The following TDRD3 variants were observed in gnomAD, a reference collection of about 807,000 sequenced individuals.
The protein encoded by TDRD3 is tudor domain-containing protein 3.
In TDRD3, 45 loss-of-function variants were observed where a neutral mutation model predicts 86.7. That is an observed-to-expected ratio of 0.52 (90% CI 0.41 to 0.67). The LOEUF (loss-of-function observed/expected upper bound fraction) is 0.67. TDRD3 is among the 30% of genes least tolerant of loss of function. The pLI is 0.00. For missense variants in TDRD3, 814 were observed against 889.0 expected (o/e 0.92, Z 1.07); for synonymous variants, 298 against 301.7 (o/e 0.99, Z 0.13).
intron 5 of TDRD3, among the ~76,000 whole-genome samples, chr13:60,471,369 G>T (rs1044783454): frequency 1.3e-5 from 2 of 152,006 alleles, no homozygotes; most frequent in African/African-American, 4.8e-5. Flanking sequence ...TTATTTCTAG[G>T]TTATCTGTTC....
chr13:60,470,594 T>G (rs1485793147), intron 5 of TDRD3, among the ~76,000 whole-genome samples: 10 of 149,328 alleles, frequency 6.7e-5, no homozygotes, highest in Admixed American at 6.0e-4. Context: ...AGTTGGGTTT[T>G]TTTTTTTTTT....
At chr13:60,531,663 C>G (rs1404657310) in intron 11 of TDRD3, among the ~76,000 whole-genome samples, 1 of 152,076 alleles carries the variant, frequency 6.6e-6, no homozygotes, top group Non-Finnish European at 1.5e-5. Context: ...ACAGGCAACC[C>G]TTACAGAGTC....
At chr13:60,429,109 A>C (rs965455497) in intron 1 of TDRD3, among the ~76,000 whole-genome samples, 4 of 152,188 alleles carry the variant, frequency 2.6e-5, no homozygotes, top group Admixed American at 2.0e-4. Flanking sequence ...ATCAGCTGAC[A>C]TATATATGGG....
intron 4 of TDRD3, among the ~76,000 whole-genome samples, chr13:60,461,298 G>A (rs1439723747): frequency 6.6e-6 from 1 of 152,052 alleles, no homozygotes; most frequent in Non-Finnish European, 1.5e-5. Context: ...ATTGACTTTA[G>A]TCATTTCCTA....
At chr13:60,429,851 A>G (rs1194120719) in intron 1 of TDRD3, among the ~76,000 whole-genome samples, 2 of 111,952 alleles carry the variant, frequency 1.8e-5, no homozygotes, top group African/African-American at 6.7e-5. Flanking sequence ...TCTCTTTCTC[A>G]TTAGAATCCA....
At chr13:60,492,708 C>G (rs1384558435) in intron 7 of TDRD3, among the ~76,000 whole-genome samples, 1 of 151,824 alleles carries the variant, frequency 6.6e-6, no homozygotes, top group African/African-American at 2.4e-5. Context: ...TTCCATAAAC[C>G]CAAAATTGAA....
rs147594443 is a variant in TDRD3 at position 60,469,133 on chromosome 13, A to G, written c.495+1754A>G. Among the ~76,000 whole-genome samples, 6 of 152,296 alleles carry G rather than the reference A, an allele frequency of 3.9e-5. No homozygotes were observed. The East Asian group carries it at 9.6e-4, about 24-fold the overall frequency. ...ATGCAATATAAAGTAATGTTCCACA[A>G]CTGCATTGTTTAATTGAAAATGTCC... is the stretch of plus-strand genomic sequence containing the variant. On this transcript the variant is annotated intron_variant, in intron 5 of 13. Coordinates refer to ENST00000377881, the MANE Select transcript of TDRD3 (RefSeq NM_001146070.2).
At chr13:60,573,500 A>G (rs1958633605) in intron 13 of TDRD3, 116 bp from the exon 14 acceptor site, 1 of 582,588 alleles carries the variant, frequency 1.7e-6, no homozygotes, top group South Asian at 7.6e-5. Flanking sequence ...GTTAAGATCT[A>G]TTTATACAAA....
intron 3 of TDRD3, among the ~76,000 whole-genome samples, chr13:60,447,632 G>T (rs899910939): frequency 5.3e-5 from 8 of 152,214 alleles, no homozygotes; most frequent in African/African-American, 1.9e-4. Context: ...AATCATTATT[G>T]TCTGGGTTTT....
chr13:60,535,634 T>G (rs1723836303), intron 12 of TDRD3: 1 of 154,364 alleles, frequency 6.5e-6, no homozygotes, highest in African/African-American at 2.4e-5. Flanking sequence ...ATTATTTTAG[T>G]TACAGGTAAA....
intron 1 of TDRD3, among the ~76,000 whole-genome samples, chr13:60,427,366 A>G: frequency 6.7e-6 from 1 of 149,734 alleles, no homozygotes; most frequent in Admixed American, 6.7e-5. Context: ...TCTGTTTTAC[A>G]CTGATGAATA....
intron 3 of TDRD3, among the ~76,000 whole-genome samples, chr13:60,446,493 T>C (rs1409953278): frequency 4.6e-5 from 7 of 152,024 alleles, no homozygotes. Flanking sequence ...TCCCAAAGTA[T>C]TGGGATTACA....
chr13:60,429,035 C>T (rs925692159), intron 1 of TDRD3, among the ~76,000 whole-genome samples: 5 of 152,114 alleles, frequency 3.3e-5, no homozygotes, highest in Non-Finnish European at 7.4e-5. Flanking sequence ...GTAAGCAACA[C>T]TAAGCACTTT....
chr13:60,472,356 T>C (rs1956090857), intron 5 of TDRD3, among the ~76,000 whole-genome samples: 1 of 152,182 alleles, frequency 6.6e-6, no homozygotes, highest in South Asian at 2.1e-4. Flanking sequence ...ATCTTAACCA[T>C]CTTAGATGTA....
chr13:60,466,283 C>CA (rs966605762), intron 4 of TDRD3, among the ~76,000 whole-genome samples: 5 of 151,902 alleles, frequency 3.3e-5, no homozygotes, highest in Admixed American at 6.6e-5. Flanking sequence ...AACTTTGTAA[C>CA]AAAAAAACAG....
At chr13:60,448,456 T>C (rs1189586564) in intron 3 of TDRD3, among the ~76,000 whole-genome samples, 1 of 152,192 alleles carries the variant, frequency 6.6e-6, no homozygotes, top group Non-Finnish European at 1.5e-5. Flanking sequence ...TCTTCCATTC[T>C]CTTCTTAACA....
chr13:60,513,562 G>A lies in TDRD3; in HGVS notation c.1141+2807G>A, dbSNP rs538138560. 2.3e-4 allele frequency among the ~76,000 whole-genome samples: 35 copies of A among 152,222 alleles called. No homozygotes were observed. In the South Asian group the frequency reaches 6.9e-3, roughly 30 times the overall value. ...ACACTATAGAAGTTGATATGGTTTG[G>A]CTGTGTCCCCACCCAAATCTCATCT... On this transcript the variant is annotated intron_variant, in intron 10 of 13. Coordinates refer to ENST00000377881, the MANE Select transcript of TDRD3 (RefSeq NM_001146070.2).
In TDRD3 at chr13:60,460,507, C is replaced by A; in HGVS notation, c.320C>A (p.Thr107Lys). Reference protein sequence around the residue: ...LQMTDGHISCTAVEFSYMSKI... With the variant: ...LQMTDGHISCKAVEFSYMSKI... ...ATGACTGATGGTCATATAAGTTGCA[C>A]AGCAGTAGAATTTAGTTATATGTCA... The change falls in exon 4 of 14, where the codon ACA (threonine) becomes AAA (lysine). Residue 107 changes from threonine to lysine, a missense_variant. Transcript: ENST00000377881. 1 of 1,570,802 alleles carries A rather than the reference C, an allele frequency of 6.4e-7. No individual in the cohort carries two copies. The highest frequency in any genetic ancestry group is 8.6e-7 in the Non-Finnish European group (1 of 1,167,400).
chr13:60,458,855 A>G (rs547341822), intron 3 of TDRD3, among the ~76,000 whole-genome samples: 2 of 152,230 alleles, frequency 1.3e-5, no homozygotes, highest in African/African-American at 2.4e-5. Flanking sequence ...AAAATATGGG[A>G]TACCAAAATA....
Sources: gnomAD v4.1 joint callset for allele counts (sites outside exome capture counted in the v4.1 genomes callset) on GRCh38, gnomAD v4.1.1 for gene constraint, MANE v1.5 for transcripts, NCBI Gene and HGNC (gene_info 2026-07-23, HGNC 2026-07-21) for gene names.